Variants in POU6F2 observed in about 807,000 individuals in gnomAD.
POU6F2 encodes the protein POU domain, class 6, transcription factor 2.
POU6F2 carries 31 observed loss-of-function variants against 71.3 expected under a neutral mutation model. That is an observed-to-expected ratio of 0.43 (90% CI 0.33 to 0.59). POU6F2 has a LOEUF of 0.59. Ranked by LOEUF, POU6F2 falls within the 20% of genes least tolerant of loss-of-function variation. The pLI is 0.04. For missense variants in POU6F2, 783 were observed against 856.8 expected, an observed-to-expected ratio of 0.91 and a Z score of 1.07; for synonymous variants, 347 against 355.7, an observed-to-expected ratio of 0.98 and a Z score of 0.27.
At chr7:39,002,689 C>G (rs1455772054) in intron 1 of POU6F2, among the ~76,000 whole-genome samples, 1 of 152,188 alleles carries the variant, frequency 6.6e-6, no homozygotes, top group African/African-American at 2.4e-5. Flanking sequence ...CATTTTAGAG[C>G]AATAAACTGA....
In POU6F2 at chr7:39,460,418, C is replaced by T. The variant is rs958903564; in HGVS notation, c.1490-129C>T. The T allele has an allele frequency of 5.0e-6, 5 of 992,216 alleles. No homozygotes were observed. The African/African-American group carries it at 8.1e-5, about 16-fold the overall frequency. 61.5% of individuals were successfully genotyped at this position (992,216 alleles called of 1,614,324 possible). A position where few individuals can be genotyped will look rare whatever the true frequency, so the allele number is the denominator to read the frequency against. ...TGTCTCACCTGGGAGACAAAGCGAA[C>T]ATTCTCTGAGGTTGGTTTCCTCACT... On this transcript the variant is annotated intron_variant, in intron 8 of 9. Coordinates refer to ENST00000518318, the MANE Select transcript of POU6F2 (RefSeq NM_001370959.1). The surrounding 1 kb of genome is among the most constrained non-coding windows in gnomAD (Gnocchi z 4.4).
intron 2 of POU6F2, among the ~76,000 whole-genome samples, chr7:39,106,229 A>G (rs985875532): frequency 1.3e-5 from 2 of 152,222 alleles, no homozygotes; most frequent in African/African-American, 2.4e-5. Flanking sequence ...CATGAGGCAG[A>G]TATTTACCAG....
intron 2 of POU6F2, among the ~76,000 whole-genome samples, chr7:39,162,826 G>A (rs1253442908): frequency 6.6e-6 from 1 of 152,124 alleles, no homozygotes; most frequent in Non-Finnish European, 1.5e-5. Context: ...TACTACCTTA[G>A]TATCATTCCG....
At chr7:39,278,728 C>A (rs547005241) in intron 4 of POU6F2, among the ~76,000 whole-genome samples, 1 of 152,120 alleles carries the variant, frequency 6.6e-6, no homozygotes, top group Non-Finnish European at 1.5e-5. Flanking sequence ...CCACTCTTCA[C>A]GCTGGCATAC....
intron 5 of POU6F2, among the ~76,000 whole-genome samples, chr7:39,395,062 CTCA>C (rs1787146190): frequency 6.6e-6 from 1 of 152,164 alleles, no homozygotes; most frequent in Non-Finnish European, 1.5e-5. Context: ...ACCTCCTGTT[CTCA>C]TCTGCCTCCA....
chr7:38,999,810 G>A (rs1054424757), intron 1 of POU6F2, among the ~76,000 whole-genome samples: 3 of 152,058 alleles, frequency 2.0e-5, no homozygotes, highest in Admixed American at 2.0e-4. Flanking sequence ...GCTTTGTTGG[G>A]GCGTACCATT....
At chr7:39,252,578 G>A (rs1783945629) in intron 4 of POU6F2, among the ~76,000 whole-genome samples, 1 of 152,150 alleles carries the variant, frequency 6.6e-6, no homozygotes, top group African/African-American at 2.4e-5. Context: ...TCTCTCCTAT[G>A]GAGAGGGTCC....
chr7:39,447,701 C>A (rs974017182), intron 7 of POU6F2, among the ~76,000 whole-genome samples: 1 of 152,132 alleles, frequency 6.6e-6, no homozygotes, highest in Non-Finnish European at 1.5e-5. Flanking sequence ...TCTAAGTTTC[C>A]CTTTCCCTCC....
chr7:39,327,982 A>G (rs1026267774), intron 4 of POU6F2, among the ~76,000 whole-genome samples: 2 of 152,042 alleles, frequency 1.3e-5, no homozygotes, highest in Admixed American at 6.6e-5. Flanking sequence ...GTGCAGTGGC[A>G]TGATCTCAGC....
At chr7:39,037,237 T>G (rs774773955) in intron 1 of POU6F2, among the ~76,000 whole-genome samples, 3 of 152,054 alleles carry the variant, frequency 2.0e-5, no homozygotes, top group Non-Finnish European at 2.9e-5. Flanking sequence ...TGTGCCACCC[T>G]GAAAATTAAC....
rs564614816 is a variant in POU6F2, at chr7:39,462,603, G to A, written c.1659-1579G>A. Among the ~76,000 whole-genome samples, 303 of 152,228 alleles carry A rather than the reference G, an allele frequency of 2.0e-3. 3 individuals carry two copies. The highest frequency in any genetic ancestry group is 7.1e-3 in the African/African-American group (295 of 41,528). Reference sequence around the variant, plus strand: ...TGACGCTATCAAATATTTAAGCTTTGGGGATTTTATGGCAAACGATGGCAA... The same window carrying A: ...TGACGCTATCAAATATTTAAGCTTTAGGGATTTTATGGCAAACGATGGCAA... On this transcript the variant is annotated intron_variant, in intron 9 of 9. Transcript: ENST00000518318.
At chr7:39,143,611 C>T (rs1386452368) in intron 2 of POU6F2, among the ~76,000 whole-genome samples, 1 of 152,132 alleles carries the variant, frequency 6.6e-6, no homozygotes, top group East Asian at 1.9e-4. Flanking sequence ...GAATAAGAGG[C>T]ACTTAAGGAG....
chr7:39,426,080 T>C (rs1787964364), intron 6 of POU6F2, among the ~76,000 whole-genome samples: 1 of 152,214 alleles, frequency 6.6e-6, no homozygotes, highest in African/African-American at 2.4e-5. Flanking sequence ...TGCTTGCTGC[T>C]GTGGGAAAGG....
intron 4 of POU6F2, among the ~76,000 whole-genome samples, chr7:39,280,701 G>A (rs996714115): frequency 6.6e-6 from 1 of 152,146 alleles, no homozygotes; most frequent in African/African-American, 2.4e-5. Flanking sequence ...GCATAATGGA[G>A]GAAGAAAACT....
At chr7:39,023,795 CT>C (rs1403503139) in intron 1 of POU6F2, among the ~76,000 whole-genome samples, 1 of 152,014 alleles carries the variant, frequency 6.6e-6, no homozygotes, top group African/African-American at 2.4e-5. Flanking sequence ...TATTATTCCA[CT>C]TAAGCCTGAG....
chr7:39,042,558 A>C (rs992629197), intron 1 of POU6F2, among the ~76,000 whole-genome samples: 11 of 151,994 alleles, frequency 7.2e-5, no homozygotes, highest in African/African-American at 2.4e-4. Flanking sequence ...ATGAACAAGA[A>C]AAAAATGCTG....
rs117683684 is a variant in POU6F2, at chr7:39,285,392, G to C, written c.599-54250G>C. 3.3e-5 allele frequency among the ~76,000 whole-genome samples: 5 copies of C among 152,280 alleles called. No individual in the cohort carries two copies. The South Asian group carries it at 1.0e-3, about 32-fold the overall frequency. ...CATGCTCATCGTATGTCGTGTATTA[G>C]TCACTCACAGTTTTCTGCCCAACTC... On this transcript the variant is annotated intron_variant, in intron 4 of 9. Transcript: ENST00000518318.
In POU6F2 at chr7:39,109,816, G is replaced by A. The variant is rs1791766774; in HGVS notation, c.277+23785G>A. Among the ~76,000 whole-genome samples, 5 of 152,270 alleles carry A rather than the reference G, an allele frequency of 3.3e-5. No homozygotes were observed. In the South Asian group the frequency reaches 1.0e-3, roughly 32 times the overall value. On this transcript the variant is annotated intron_variant, in intron 2 of 9. Transcript: ENST00000518318. ...ATCAATGATTCCAGAGCTCAGAGAG[G>A]CGTCTGGTAGATCGAAGTAGCTCTT... is the stretch of plus-strand genomic sequence containing the variant.
intron 4 of POU6F2, among the ~76,000 whole-genome samples, chr7:39,331,112 A>G (rs1432737778): frequency 6.6e-6 from 1 of 152,192 alleles, no homozygotes; most frequent in Non-Finnish European, 1.5e-5. Context: ...ACAGAATTTC[A>G]TTCATTTTAT....
Sources: allele counts gnomAD v4.1 joint callset (sites outside exome capture counted in the v4.1 genomes callset), GRCh38; gene constraint gnomAD v4.1.1; non-coding constraint Gnocchi (gnomAD v3.1); transcripts MANE v1.5; gene names NCBI Gene and HGNC (gene_info 2026-07-23, HGNC 2026-07-21).